Variants in LPP observed in about 807,000 individuals in gnomAD.
LPP encodes the protein LIM domain containing preferred translocation partner in lipoma, also known as lipoma-preferred partner.
A neutral mutation model predicts 60.4 loss-of-function variants in LPP; 38 were observed. The ratio of observed to expected loss-of-function variants is 0.63; its 90% CI spans 0.49 to 0.83. LPP has a LOEUF of 0.83. Ranked by LOEUF, LPP falls within the 40% of genes least tolerant of loss-of-function variation. The probability of loss-of-function intolerance (pLI) is 0.00; values close to 1 mark genes in which losing one functional copy is unlikely to be tolerated. For missense variants in LPP, 902 were observed against 783.6 expected (o/e 1.15, Z -1.80); for synonymous variants, 328 against 290.8 (o/e 1.13, Z -1.30).
intron 7 of LPP, among the ~76,000 whole-genome samples, chr3:188,698,019 G>A (rs9810495): frequency 0.3 from 45,619 of 152,144 alleles, 7,028 homozygotes; most frequent in Non-Finnish European, 0.35. Flanking sequence ...ACTCTGTGCC[G>A]TCTTTTTGAT....
chr3:188,161,144 T>C (rs1718141086), intron 1 of LPP, among the ~76,000 whole-genome samples: 1 of 152,124 alleles, frequency 6.6e-6, no homozygotes, highest in African/African-American at 2.4e-5. Flanking sequence ...CTAAGGATGA[T>C]GGCAGAGGTG....
intron 4 of LPP, among the ~76,000 whole-genome samples, chr3:188,411,977 C>CTG (rs1553890608): frequency 4.3e-5 from 2 of 46,318 alleles, no homozygotes; most frequent in Non-Finnish European, 1.4e-4. Context: ...TTCTCTGTCT[C>CTG]TCTCTCTCTC....
At chr3:188,405,674 A>T (rs1783288868) in intron 3 of LPP, among the ~76,000 whole-genome samples, 1 of 152,138 alleles carries the variant, frequency 6.6e-6, no homozygotes, top group Admixed American at 6.5e-5. Context: ...AGGCATAACC[A>T]TTTAATTGGT....
At chr3:188,530,743 A>T (rs144648770) in intron 6 of LPP, among the ~76,000 whole-genome samples, 11 of 152,318 alleles carry the variant, frequency 7.2e-5, no homozygotes, top group African/African-American at 2.4e-4. Flanking sequence ...AATAAGTCTC[A>T]AACACATAAC....
At chr3:188,519,687 C>G (rs2150125930) in intron 5 of LPP, among the ~76,000 whole-genome samples, 3 of 152,240 alleles carry the variant, frequency 2.0e-5, no homozygotes, top group Middle Eastern at 6.8e-3. Context: ...TTTGCAACAT[C>G]TTACAGATGG....
intron 9 of LPP, among the ~76,000 whole-genome samples, chr3:188,766,688 T>A (rs111236035): frequency 0.012 from 1,815 of 152,336 alleles, 45 homozygotes; most frequent in African/African-American, 0.042. Flanking sequence ...GTTGCTAGGT[T>A]ACCTTTTTCC....
At position 188,766,941 on chromosome 3, in the gene LPP, A is replaced by C. The variant is rs1734344576; in HGVS notation, c.1410+6659A>C. Among the ~76,000 whole-genome samples, 4 of 152,208 alleles carry C rather than the reference A, an allele frequency of 2.6e-5. No individual in the cohort carries two copies. In the South Asian group the frequency reaches 6.2e-4, roughly 24 times the overall value. ...ACACACACAATGAGATCATACCTTA[A>C]CTATTGGTTAGTACCTTGCTTTTGT... is the stretch of plus-strand genomic sequence containing the variant. On this transcript the variant is annotated intron_variant, in intron 9 of 11. Coordinates refer to ENST00000617246, the MANE Select transcript of LPP (RefSeq NM_001375462.1).
chr3:188,444,622 A>G (rs1794787267), intron 4 of LPP, among the ~76,000 whole-genome samples: 2 of 152,214 alleles, frequency 1.3e-5, no homozygotes, highest in South Asian at 4.1e-4. Flanking sequence ...ACAAAAGCCA[A>G]AATTGACAAA....
intron 7 of LPP, among the ~76,000 whole-genome samples, chr3:188,655,822 T>G (rs2149034487): frequency 6.6e-6 from 1 of 152,268 alleles, no homozygotes; most frequent in South Asian, 2.1e-4. Context: ...AGTCAAAACC[T>G]ACCATATGCA....
intron 9 of LPP, among the ~76,000 whole-genome samples, chr3:188,858,054 A>G (rs1764258200): frequency 6.6e-6 from 1 of 152,222 alleles, no homozygotes; most frequent in Non-Finnish European, 1.5e-5. Flanking sequence ...ACCAAAGGCC[A>G]GAAAGGTCAA....
At chr3:188,741,653 A>G (rs1356825892) in intron 8 of LPP, among the ~76,000 whole-genome samples, 1 of 151,590 alleles carries the variant, frequency 6.6e-6, no homozygotes, top group Non-Finnish European at 1.5e-5. Flanking sequence ...AACACATATT[A>G]TGGAACAAAT....
At chr3:188,359,923 C>T (rs1352195652) in intron 3 of LPP, among the ~76,000 whole-genome samples, 1 of 152,108 alleles carries the variant, frequency 6.6e-6, no homozygotes, top group African/African-American at 2.4e-5. Context: ...ACTCTAGAGC[C>T]CACAGGTTTA....
At chr3:188,348,943 G>A (rs1193212223) in intron 3 of LPP, among the ~76,000 whole-genome samples, 1 of 152,174 alleles carries the variant, frequency 6.6e-6, no homozygotes, top group African/African-American at 2.4e-5. Context: ...CTGGGTTGAA[G>A]GGATCCAGCA....
rs533629175 is a variant in LPP at position 188,850,063 on chromosome 3, A to G, written c.1411-16137A>G. Among the ~76,000 whole-genome samples, 27 of 152,340 alleles carry G rather than the reference A, an allele frequency of 1.8e-4. 1 individual carries two copies. Among genetic ancestry groups the G allele is most frequent in the African/African-American group, 6.3e-4 (26 of 41,580 alleles). ...CTGAGCCCCAGCCCCAGAGATAATG[A>G]TTAAACAGGCCTAGAGGTTGTTAGT... On this transcript the variant is annotated intron_variant, in intron 9 of 11. Transcript: ENST00000617246.
intron 7 of LPP, among the ~76,000 whole-genome samples, chr3:188,699,947 G>A (rs1425600563): frequency 6.6e-6 from 1 of 152,148 alleles, no homozygotes; most frequent in Non-Finnish European, 1.5e-5. Flanking sequence ...TAGAAGGGGG[G>A]AAAAGAACGA....
At chr3:188,774,554 T>A (rs2150747015) in intron 9 of LPP, among the ~76,000 whole-genome samples, 1 of 152,288 alleles carries the variant, frequency 6.6e-6, no homozygotes, top group South Asian at 2.1e-4. Context: ...TTAGTACATT[T>A]TTTAAAAAAT....
chr3:188,172,847 TTTCA>T (rs1721966106), intron 1 of LPP, among the ~76,000 whole-genome samples: 1 of 152,158 alleles, frequency 6.6e-6, no homozygotes, highest in African/African-American at 2.4e-5. Context: ...ATTTTAAAAC[TTTCA>T]TCTTCTTTAA....
intron 1 of LPP, among the ~76,000 whole-genome samples, chr3:188,202,719 T>C (rs1449235648): frequency 6.6e-6 from 1 of 152,188 alleles, no homozygotes; most frequent in Non-Finnish European, 1.5e-5. Flanking sequence ...TCCTTCTTTT[T>C]GGATGGGCTT....
chr3:188,168,339 T>C, intron 1 of LPP, among the ~76,000 whole-genome samples: 1 of 152,208 alleles, frequency 6.6e-6, no homozygotes, highest in Admixed American at 6.5e-5. Flanking sequence ...ATTTTAAATG[T>C]TTTGTGTCCA....
Sources: allele counts gnomAD v4.1 joint callset (sites outside exome capture counted in the v4.1 genomes callset), GRCh38; gene constraint gnomAD v4.1.1; transcripts MANE v1.5; gene names NCBI Gene and HGNC (gene_info 2026-07-23, HGNC 2026-07-21).